Variants in TMEM154 observed in about 807,000 individuals in gnomAD.
The protein encoded by TMEM154 is transmembrane protein 154.
A neutral mutation model predicts 24.5 loss-of-function variants in TMEM154; 27 were observed. The observed-to-expected ratio is 1.10, with a 90% CI of 0.81 to 1.52. The LOEUF (loss-of-function observed/expected upper bound fraction) is 1.52. TMEM154 is among the 40% of genes most tolerant of loss of function. TMEM154 has a pLI of 0.00. For synonymous variants in TMEM154, 67 were observed against 76.8 expected (o/e 0.87, Z 0.67); for missense variants, 228 against 213.4 (o/e 1.07, Z -0.43).
At chr4:152,658,206 T>G (rs576933664) in intron 1 of TMEM154, among the ~76,000 whole-genome samples, 1 of 152,094 alleles carries the variant, frequency 6.6e-6, no homozygotes, top group African/African-American at 2.4e-5. Context: ...AGAAAGAAAT[T>G]AAGGAGGAAA....
chr4:152,650,170 C>T (rs915697203), intron 3 of TMEM154, among the ~76,000 whole-genome samples: 2 of 152,160 alleles, frequency 1.3e-5, no homozygotes, highest in African/African-American at 2.4e-5. Flanking sequence ...CATTGATTGA[C>T]TCTCTTTCAC....
intron 5 of TMEM154, chr4:152,641,209 C>G: frequency 2.0e-6 from 1 of 500,926 alleles, no homozygotes; most frequent in Non-Finnish European, 3.5e-6. Flanking sequence ...GCCTCTGACA[C>G]TGGAAAGGAC....
At chr4:152,669,947 T>G (rs1728793706) in intron 1 of TMEM154, 1 of 152,246 alleles carries the variant, frequency 6.6e-6, no homozygotes, top group African/African-American at 2.4e-5. Context: ...CCTCAACAAC[T>G]GGAGTAGATT....
intron 1 of TMEM154, among the ~76,000 whole-genome samples, chr4:152,676,958 T>C (rs534609803): frequency 6.6e-6 from 1 of 152,314 alleles, no homozygotes; most frequent in South Asian, 2.1e-4. Flanking sequence ...CTTTTGGTAT[T>C]TAGGAAATTG....
chr4:152,671,975 C>G (rs1728849401), intron 1 of TMEM154, among the ~76,000 whole-genome samples: 1 of 150,756 alleles, frequency 6.6e-6, no homozygotes, highest in African/African-American at 2.4e-5. Flanking sequence ...GTGGGTGTGG[C>G]TGGGCTCAAT....
At chr4:152,651,644 C>T (rs1381362560) in intron 3 of TMEM154, among the ~76,000 whole-genome samples, 4 of 152,232 alleles carry the variant, frequency 2.6e-5, no homozygotes, top group Admixed American at 2.6e-4. Context: ...TGATCTTCTA[C>T]CCAGACCACT....
At chr4:152,666,140 G>T (rs1397440077) in intron 1 of TMEM154, among the ~76,000 whole-genome samples, 1 of 151,940 alleles carries the variant, frequency 6.6e-6, no homozygotes, top group African/African-American at 2.4e-5. Context: ...CTGGTCTGCA[G>T]GGCATACTGG....
intron 1 of TMEM154, among the ~76,000 whole-genome samples, chr4:152,659,062 G>C (rs78966659): frequency 6.6e-6 from 1 of 152,062 alleles, no homozygotes; most frequent in African/African-American, 2.4e-5. Context: ...AATTGCACTC[G>C]CGTGTTCATT....
chr4:152,678,209 A>G (rs1054668622), intron 1 of TMEM154, among the ~76,000 whole-genome samples: 17 of 152,098 alleles, frequency 1.1e-4, no homozygotes, highest in Non-Finnish European at 2.2e-4. Context: ...GAACAAGTGA[A>G]GGGGCATAAA....
chr4:152,635,011 G>T (rs1579510461), intron 6 of TMEM154, among the ~76,000 whole-genome samples: 2 of 152,094 alleles, frequency 1.3e-5, no homozygotes, highest in African/African-American at 4.8e-5. Context: ...AAGTCAAGAA[G>T]GATCTATATA....
chr4:152,674,505 C>T (rs1393169676), intron 1 of TMEM154, among the ~76,000 whole-genome samples: 2 of 152,092 alleles, frequency 1.3e-5, no homozygotes, highest in Non-Finnish European at 2.9e-5. Context: ...CTACTTCTGG[C>T]GCCTGGCTTG....
intron 6 of TMEM154, among the ~76,000 whole-genome samples, chr4:152,630,699 A>AGGGG (rs1752023172): frequency 6.6e-6 from 1 of 152,236 alleles, no homozygotes; most frequent in Non-Finnish European, 1.5e-5. Context: ...GTTAATTATT[A>AGGGG]TAAAATTTGT....
chr4:152,678,290 T>A (rs776137939), intron 1 of TMEM154, among the ~76,000 whole-genome samples: 2 of 151,982 alleles, frequency 1.3e-5, no homozygotes, highest in Non-Finnish European at 2.9e-5. Context: ...TAACCAAGTC[T>A]CTTCAGATTC....
chr4:152,651,747 TC>T (rs372054208), intron 3 of TMEM154, among the ~76,000 whole-genome samples: 25 of 152,376 alleles, frequency 1.6e-4, no homozygotes, highest in African/African-American at 5.5e-4. Flanking sequence ...AAGAACTTTT[TC>T]TTTGCATTTA....
In TMEM154 at chr4:152,647,448, T is replaced by C. The variant is rs965253903; in HGVS notation, c.365-3006A>G. ...TAGTGATCACGTCTGTGTTAAAGCA[T>C]TGGCTGATAAGAGAAAAAAATTCAA... On this transcript the variant is annotated intron_variant, in intron 3 of 6. Coordinates refer to ENST00000304385, the MANE Select transcript of TMEM154 (RefSeq NM_152680.3). The C allele has an allele frequency of 2.0e-5, 10 of 499,364 alleles. No individual in the cohort carries two copies. In the Admixed American group the frequency reaches 5.7e-4, roughly 29 times the overall value. 30.9% of individuals were successfully genotyped at this position (499,364 alleles called of 1,614,324 possible).
At chr4:152,646,071 C>A (rs1190597581) in intron 3 of TMEM154, among the ~76,000 whole-genome samples, 2 of 151,992 alleles carry the variant, frequency 1.3e-5, no homozygotes, top group Non-Finnish European at 2.9e-5. Flanking sequence ...AATTGAACAT[C>A]CCTGCAGGTG....
At chr4:152,651,121 C>T (rs1009950710) in intron 3 of TMEM154, among the ~76,000 whole-genome samples, 4 of 151,848 alleles carry the variant, frequency 2.6e-5, no homozygotes, top group Admixed American at 2.6e-4. Flanking sequence ...GTCAGCATAT[C>T]TTTTGAAGCT....
chr4:152,624,782 A>G lies in TMEM154; in HGVS notation c.*3764T>C, dbSNP rs775414758. ...TCTGCAATTTGAAATATTCCACTAG[A>G]CACTAATATACAGGAACTCTTTTGG... is the stretch of plus-strand genomic sequence containing the variant. On this transcript the variant is annotated 3_prime_UTR_variant, in exon 7 of 7. Coordinates refer to ENST00000304385, the MANE Select transcript of TMEM154 (RefSeq NM_152680.3). The G allele has an allele frequency of 3.3e-5, 5 of 152,190 alleles. No homozygotes were observed. The highest frequency in any genetic ancestry group is 5.9e-5 in the Non-Finnish European group (4 of 68,036). The allele number at this position is 152,190 out of a possible 1,614,324, so 9.4% of individuals were successfully genotyped here. A position where few individuals can be genotyped will look rare whatever the true frequency, so the allele number is the denominator to read the frequency against.
At chr4:152,675,015 G>A (rs191176076) in intron 1 of TMEM154, among the ~76,000 whole-genome samples, 106 of 152,122 alleles carry the variant, frequency 7.0e-4, no homozygotes, top group African/African-American at 2.5e-3. Flanking sequence ...AATCAGCCAG[G>A]TGTGGTGGCA....
Sources: gnomAD v4.1 joint callset for allele counts (sites outside exome capture counted in the v4.1 genomes callset) on GRCh38, gnomAD v4.1.1 for gene constraint, MANE v1.5 for transcripts, NCBI Gene and HGNC (gene_info 2026-07-23, HGNC 2026-07-21) for gene names.